The following DLC1 variants were observed in gnomAD, a reference collection of about 807,000 sequenced individuals.
DLC1 encodes the protein rho GTPase-activating protein 7.
DLC1 carries 54 observed loss-of-function variants against 140.3 expected under a neutral mutation model. The ratio of observed to expected loss-of-function variants is 0.38; its 90% confidence interval spans 0.31 to 0.48. The LOEUF (loss-of-function observed/expected upper bound fraction) is 0.48, where lower values mean the gene tolerates loss of function less well. Ranked by LOEUF, DLC1 falls within the 20% of genes least tolerant of loss-of-function variation. The probability of loss-of-function intolerance (pLI) is 0.96; values close to 1 mark genes in which losing one functional copy is unlikely to be tolerated. For synonymous variants in DLC1, 986 were observed against 728.1 expected, an observed-to-expected ratio of 1.35 and a Z score of -5.70; for missense variants, 2,536 against 1,907.0, an observed-to-expected ratio of 1.33 and a Z score of -6.14.
chr8:13,451,129 A>G (rs1799036850), intron 2 of DLC1, among the ~76,000 whole-genome samples: 1 of 151,618 alleles, frequency 6.6e-6, no homozygotes, highest in Admixed American at 6.6e-5. Flanking sequence ...GAAATAAAGT[A>G]AGAGTAAATA....
intron 1 of DLC1, among the ~76,000 whole-genome samples, chr8:13,536,846 A>C (rs1803302372): frequency 6.6e-6 from 1 of 152,212 alleles, no homozygotes; most frequent in South Asian, 2.1e-4. Flanking sequence ...GTAACTATGA[A>C]GTACCAGGCC....
chr8:13,481,187 G>A (rs1004947602), intron 2 of DLC1, among the ~76,000 whole-genome samples: 1 of 152,128 alleles, frequency 6.6e-6, no homozygotes, highest in Non-Finnish European at 1.5e-5. Flanking sequence ...TAACTTGGGA[G>A]GCCAAGGCAG....
In DLC1 at chr8:13,548,866, T is replaced by C. The variant is rs527265579; in HGVS notation, c.-125-48670A>G. Reference sequence around the variant, plus strand: ...TACATTTCTGACAACAGAATTTCTCTTTTTAGAAAATACTGCTCTGGGCTC... The same window carrying C: ...TACATTTCTGACAACAGAATTTCTCCTTTTAGAAAATACTGCTCTGGGCTC... On this transcript the variant is annotated intron_variant, in intron 1 of 1. Transcript: ENST00000631382. Among the ~76,000 whole-genome samples the C allele has an allele frequency of 1.6e-4, 24 of 152,208 alleles. No individual in the cohort carries two copies. The South Asian group carries it at 2.7e-3, about 17-fold the overall frequency.
chr8:13,462,369 C>A (rs1213317515), intron 2 of DLC1, among the ~76,000 whole-genome samples: 1 of 150,622 alleles, frequency 6.6e-6, no homozygotes, highest in Non-Finnish European at 1.5e-5. Flanking sequence ...GTATCCTGAA[C>A]AAGAGGAATA....
At chr8:13,404,265 C>T (rs1837427169) in intron 2 of DLC1, among the ~76,000 whole-genome samples, 1 of 152,004 alleles carries the variant, frequency 6.6e-6, no homozygotes, top group South Asian at 2.1e-4. Context: ...AATGAAAGTC[C>T]TTATTTGTAG....
chr8:13,141,792 A>C (rs1216874852), intron 5 of DLC1, among the ~76,000 whole-genome samples: 1 of 152,222 alleles, frequency 6.6e-6, no homozygotes, highest in African/African-American at 2.4e-5. Flanking sequence ...TTTCATGTGT[A>C]ACTAACTCAA....
At chr8:13,389,057 C>G (rs1285837286) in intron 4 of DLC1, among the ~76,000 whole-genome samples, 3 of 152,110 alleles carry the variant, frequency 2.0e-5, no homozygotes, top group East Asian at 3.9e-4. Context: ...CCTGTGTACT[C>G]TTGATGTTCT....
chr8:13,243,240 A>T (rs1002477082), intron 5 of DLC1, among the ~76,000 whole-genome samples: 9 of 148,058 alleles, frequency 6.1e-5, no homozygotes, highest in African/African-American at 2.3e-4. Flanking sequence ...CAGTGAGCCA[A>T]GATCAAACCA....
At chr8:13,268,578 T>A (rs1162967832) in intron 5 of DLC1, among the ~76,000 whole-genome samples, 1 of 152,050 alleles carries the variant, frequency 6.6e-6, no homozygotes, top group Non-Finnish European at 1.5e-5. Context: ...AATGACGGAG[T>A]CTTGCTATGT....
chr8:13,291,563 A>G (rs1185773713), intron 5 of DLC1, among the ~76,000 whole-genome samples: 2 of 152,230 alleles, frequency 1.3e-5, no homozygotes, highest in Non-Finnish European at 2.9e-5. Context: ...CATAGAAGTG[A>G]TCAGATATTT....
At chr8:13,471,488 G>A (rs149335976) in intron 2 of DLC1, among the ~76,000 whole-genome samples, 1,548 of 134,980 alleles carry the variant, frequency 0.011, 16 homozygotes, top group Non-Finnish European at 0.016. Context: ...AGGAAGGAAG[G>A]AAGGGAGGCA....
chr8:13,461,134 C>T (rs187708969), intron 2 of DLC1, among the ~76,000 whole-genome samples: 2 of 152,318 alleles, frequency 1.3e-5, no homozygotes, highest in African/African-American at 4.8e-5. Context: ...TGCTTGAGCC[C>T]AGGAGTTCAA....
chr8:13,163,213 T>A (rs1405514067), intron 5 of DLC1, among the ~76,000 whole-genome samples: 1 of 152,184 alleles, frequency 6.6e-6, no homozygotes. Flanking sequence ...TTTAATAAGT[T>A]AAAATTGCAA....
intron 2 of DLC1, among the ~76,000 whole-genome samples, chr8:13,455,264 T>C (rs1275531503): frequency 6.6e-6 from 1 of 152,206 alleles, no homozygotes; most frequent in Non-Finnish European, 1.5e-5. Flanking sequence ...CACAATTGTA[T>C]ATCCATTGCA....
intron 1 of DLC1, among the ~76,000 whole-genome samples, chr8:13,576,208 C>T (rs540754500): frequency 2.0e-5 from 3 of 152,252 alleles, no homozygotes; most frequent in East Asian, 1.9e-4. Context: ...TGTAATAACC[C>T]GCATTGCTGT....
chr8:13,445,031 TGA>T (rs1798712741), intron 2 of DLC1, among the ~76,000 whole-genome samples: 1 of 150,338 alleles, frequency 6.7e-6, no homozygotes, highest in South Asian at 2.1e-4. Context: ...AGACAGAGAT[TGA>T]GAGAAGGGAA....
Position 13,100,247 on chromosome 8 carries a change from G to C in DLC1, c.2090C>G (p.Pro697Arg). ...CTCATCCATCCCCTCTTGCAAGATG[G>C]GCCCGCTGATGATCAACCCCAGCTT... The part of the protein sequence containing the change: ...PSKLGLIISG[P>R]ILQEGMDEEK... The change falls in exon 9 of 18, where the codon CCC (proline) becomes CGC (arginine). Residue 697 changes from proline to arginine, a missense_variant. Transcript: ENST00000276297. 1.2e-6 allele frequency: 2 copies of C among 1,614,120 alleles called. No homozygotes were observed. Among genetic ancestry groups the C allele is most frequent in the Non-Finnish European group, 1.7e-6 (2 of 1,180,032 alleles).
intron 4 of DLC1, among the ~76,000 whole-genome samples, chr8:13,337,260 A>G (rs1159767167): frequency 6.6e-6 from 1 of 152,168 alleles, no homozygotes; most frequent in Non-Finnish European, 1.5e-5. Flanking sequence ...TAGATTTGGC[A>G]GTGTGTTTTC....
intron 1 of DLC1, among the ~76,000 whole-genome samples, chr8:13,587,602 CAT>C (rs3066503): frequency 0.16 from 22,871 of 141,810 alleles, 1,906 homozygotes; most frequent in African/African-American, 0.2. Context: ...ATATACATTG[CAT>C]ATATATATAT....
Sources: gnomAD v4.1 joint callset for allele counts (sites outside exome capture counted in the v4.1 genomes callset) on GRCh38, gnomAD v4.1.1 for gene constraint, MANE v1.5 for transcripts, NCBI Gene and HGNC (gene_info 2026-07-23, HGNC 2026-07-21) for gene names.